Variants in PRKN observed in about 807,000 individuals in gnomAD.
PRKN encodes E3 ubiquitin-protein ligase parkin.
PRKN carries 56 observed loss-of-function variants against 59.5 expected under a neutral mutation model. The ratio of observed to expected loss-of-function variants is 0.94; its 90% CI spans 0.76 to 1.18. PRKN has a LOEUF of 1.18. PRKN is among the 50% of genes most tolerant of loss of function. The probability of loss-of-function intolerance (pLI) is 0.00; values close to 1 mark genes in which losing one functional copy is unlikely to be tolerated. For missense variants in PRKN, 657 were observed against 596.4 expected (o/e 1.10, Z -1.06); for synonymous variants, 250 against 222.1 (o/e 1.13, Z -1.12).
chr6:161,846,983 T>G (rs905710145), intron 6 of PRKN, among the ~76,000 whole-genome samples: 1 of 152,078 alleles, frequency 6.6e-6, no homozygotes, highest in Non-Finnish European at 1.5e-5. Context: ...CCATTATTAA[T>G]CTCATCAGAG....
At chr6:162,406,457 TTAGA>T (rs1224763811) in intron 2 of PRKN, among the ~76,000 whole-genome samples, 2 of 152,224 alleles carry the variant, frequency 1.3e-5, no homozygotes, top group Non-Finnish European at 2.9e-5. Flanking sequence ...AATGCAGTAC[TTAGA>T]TATAGACTCT....
At chr6:161,436,188 GGGGGCAGGATGGGAGGGCAGAGAGCA>G (rs1788887581) in intron 9 of PRKN, among the ~76,000 whole-genome samples, 2 of 127,510 alleles carry the variant, frequency 1.6e-5, no homozygotes, top group Non-Finnish European at 3.4e-5. Flanking sequence ...GCAGAGAGCA[GGGGGCAGGATGGGAGGGCAGAGAGCA>G]GAGGGTGGGA....
At chr6:162,400,345 T>C (rs1474846402) in intron 2 of PRKN, among the ~76,000 whole-genome samples, 1 of 151,178 alleles carries the variant, frequency 6.6e-6, no homozygotes, top group Non-Finnish European at 1.5e-5. Context: ...GATCAGTTTG[T>C]GGTTTGTGGA....
At chr6:162,387,917 C>T (rs868864734) in intron 2 of PRKN, among the ~76,000 whole-genome samples, 4 of 152,194 alleles carry the variant, frequency 2.6e-5, no homozygotes, top group African/African-American at 9.7e-5. Context: ...TCTGTGCTAA[C>T]TCCATGGCGG....
chr6:162,311,343 T>C (rs1000872667), intron 2 of PRKN, among the ~76,000 whole-genome samples: 2 of 152,150 alleles, frequency 1.3e-5, no homozygotes, highest in African/African-American at 4.8e-5. Context: ...GATCTGGGTC[T>C]AATCAAAGCA....
intron 1 of PRKN, among the ~76,000 whole-genome samples, chr6:162,539,161 T>C (rs1778828169): frequency 6.6e-6 from 1 of 152,168 alleles, no homozygotes; most frequent in Non-Finnish European, 1.5e-5. Flanking sequence ...AATGTATTTA[T>C]ATTGAGTGTT....
intron 2 of PRKN, among the ~76,000 whole-genome samples, chr6:162,318,416 T>C (rs537373853): frequency 1.8e-4 from 27 of 152,196 alleles, no homozygotes; most frequent in Admixed American, 3.3e-4. Context: ...TGAATTATAC[T>C]GCTATGAACA....
intron 1 of PRKN, among the ~76,000 whole-genome samples, chr6:162,467,599 CT>C (rs1791488771): frequency 6.6e-6 from 1 of 152,162 alleles, no homozygotes; most frequent in African/African-American, 2.4e-5. Flanking sequence ...TGACCATTAT[CT>C]GTCTTTTGAA....
At chr6:162,413,988 C>G (rs1212838908) in intron 2 of PRKN, among the ~76,000 whole-genome samples, 1 of 151,954 alleles carries the variant, frequency 6.6e-6, no homozygotes, top group East Asian at 1.9e-4. Flanking sequence ...TCAAGACCAG[C>G]CTGGCCAACA....
At chr6:162,625,724 A>G (rs2082875041) in intron 1 of PRKN, among the ~76,000 whole-genome samples, 1 of 152,038 alleles carries the variant, frequency 6.6e-6, no homozygotes, top group African/African-American at 2.4e-5. Context: ...ATATATATAT[A>G]AACTTATGTT....
chr6:161,834,111 C>T (rs531243437), intron 6 of PRKN, among the ~76,000 whole-genome samples: 1 of 152,020 alleles, frequency 6.6e-6, no homozygotes, highest in South Asian at 2.1e-4. Context: ...GTCTCCAGCA[C>T]ACAGTGAGGA....
At chr6:161,610,848 G>C (rs551055042) in intron 7 of PRKN, among the ~76,000 whole-genome samples, 2 of 152,266 alleles carry the variant, frequency 1.3e-5, no homozygotes, top group South Asian at 2.1e-4. Context: ...GGTCGTCCAC[G>C]TGGCCAGAGG....
At chr6:161,857,109 A>C (rs1005329555) in intron 6 of PRKN, among the ~76,000 whole-genome samples, 10 of 152,048 alleles carry the variant, frequency 6.6e-5, no homozygotes, top group Non-Finnish European at 1.5e-4. Context: ...GGTGCCTGTA[A>C]TCCCAGCTAC....
chr6:162,212,499 T>C (rs1352494930), intron 3 of PRKN, among the ~76,000 whole-genome samples: 2 of 152,254 alleles, frequency 1.3e-5, no homozygotes, highest in African/African-American at 4.8e-5. Flanking sequence ...CAGTAATGTT[T>C]CTGTTTACTT....
rs1562354173 is a variant in PRKN, at chr6:161,874,193, T to C, written c.735-88285A>G. ...TATAATATATATTATATATAATATA[T>C]AATATATATTATATGTAAAATATAA... On this transcript the variant is annotated intron_variant, in intron 6 of 11. Coordinates refer to ENST00000366898, the MANE Select transcript of PRKN (RefSeq NM_004562.3). 1.9e-4 allele frequency among the ~76,000 whole-genome samples: 13 copies of C among 66,674 alleles called. 4 individuals carry two copies. The highest frequency in any genetic ancestry group is 8.0e-4 in the African/African-American group (11 of 13,690). 43.7% of individuals were successfully genotyped at this position (66,674 alleles called of 152,430 possible). A position where few individuals can be genotyped will look rare whatever the true frequency, so the allele number is the denominator to read the frequency against.
Position 161,554,302 on chromosome 6 carries a change from C to T in PRKN, c.934-5299G>A, listed in dbSNP as rs1406999500. Among the ~76,000 whole-genome samples the T allele has an allele frequency of 6.6e-6, 1 of 152,052 alleles. No homozygotes were observed. The highest frequency in any genetic ancestry group is 1.5e-5 in the Non-Finnish European group (1 of 68,006). On this transcript the variant is annotated intron_variant, in intron 8 of 11. Coordinates refer to ENST00000366898, the MANE Select transcript of PRKN (RefSeq NM_004562.3). This position sits in a 1 kb window ranked among gnomAD's most constrained non-coding sequence, Gnocchi z 4.5. The stretch of plus-strand genomic sequence containing the variant: ...TTCATATGCTCTACTCATTCTCCCA[C>T]AAAATTTTTAAAATAATTATACTGT...
Position 161,456,126 on chromosome 6 carries a change from G to T in PRKN, c.1084-69249C>A, listed in dbSNP as rs1290988141. On this transcript the variant is annotated intron_variant, in intron 9 of 11. Transcript: ENST00000366898. The surrounding 1 kb of genome is among the most constrained non-coding windows in gnomAD (Gnocchi z 4.8). ...ATTGGATTGAAGGACGCAAAGTATT[G>T]TTCCTGGGTGTGTCTGTGAGGGTGT... is the stretch of plus-strand genomic sequence containing the variant. Among the ~76,000 whole-genome samples, 1 of 152,154 alleles carries T rather than the reference G, an allele frequency of 6.6e-6. No homozygotes were observed. The highest frequency in any genetic ancestry group is 1.9e-4 in the East Asian group (1 of 5,174).
intron 4 of PRKN, among the ~76,000 whole-genome samples, chr6:162,119,494 G>A (rs1026062712): frequency 3.9e-5 from 6 of 152,166 alleles, no homozygotes; most frequent in African/African-American, 1.4e-4. Flanking sequence ...GCTGTCAACA[G>A]GAGGCAGGAA....
chr6:161,523,313 T>C (rs1778905962), intron 9 of PRKN, among the ~76,000 whole-genome samples: 1 of 152,238 alleles, frequency 6.6e-6, no homozygotes, highest in Non-Finnish European at 1.5e-5. Flanking sequence ...CATCAGTTTA[T>C]TTTAAGTCAG....
Sources: gnomAD v4.1 joint callset for allele counts (sites outside exome capture counted in the v4.1 genomes callset) on GRCh38, gnomAD v4.1.1 for gene constraint, Gnocchi (gnomAD v3.1) non-coding constraint, MANE v1.5 for transcripts, NCBI Gene and HGNC (gene_info 2026-07-23, HGNC 2026-07-21) for gene names.